Variants in CTNNBL1 observed in about 807,000 individuals in gnomAD.
The protein encoded by CTNNBL1 is beta-catenin-like protein 1.
In CTNNBL1, 31 loss-of-function variants were observed where a neutral mutation model predicts 72.7. The observed-to-expected ratio is 0.43, with a 90% confidence interval of 0.32 to 0.58. The LOEUF (loss-of-function observed/expected upper bound fraction) is 0.58. Among genes scored for constraint, CTNNBL1 ranks in the 20% least tolerant of loss-of-function variants. CTNNBL1 has a pLI of 0.08. For missense variants in CTNNBL1, 534 were observed against 725.1 expected, an observed-to-expected ratio of 0.74 and a Z score of 3.03; for synonymous variants, 240 against 267.3, an observed-to-expected ratio of 0.90 and a Z score of 1.00.
chr20:37,815,065 G>A (rs182855715), intron 11 of CTNNBL1, among the ~76,000 whole-genome samples: 57 of 134,970 alleles, frequency 4.2e-4, no homozygotes, highest in African/African-American at 1.6e-3. Context: ...CACTATGTTA[G>A]GGACTCTGTG....
intron 11 of CTNNBL1, among the ~76,000 whole-genome samples, chr20:37,827,964 TTG>T (rs2072174599): frequency 6.6e-6 from 1 of 152,172 alleles, no homozygotes; most frequent in African/African-American, 2.4e-5. Flanking sequence ...TCTAAATCTC[TTG>T]TGTTTGGTCT....
intron 13 of CTNNBL1, among the ~76,000 whole-genome samples, chr20:37,843,272 G>A (rs1011420971): frequency 3.9e-5 from 6 of 152,102 alleles, no homozygotes; most frequent in Non-Finnish European, 8.8e-5. Flanking sequence ...TTGTTTTGCT[G>A]CATCACTCCA....
intron 6 of CTNNBL1, among the ~76,000 whole-genome samples, chr20:37,766,041 GA>G (rs1389998516): frequency 1.3e-5 from 2 of 152,010 alleles, no homozygotes; most frequent in Non-Finnish European, 2.9e-5. Flanking sequence ...AAAATTTGAT[GA>G]GATTAGATTT....
intron 15 of CTNNBL1, among the ~76,000 whole-genome samples, chr20:37,862,679 T>C (rs1393848156): frequency 6.6e-6 from 1 of 151,986 alleles, no homozygotes; most frequent in Non-Finnish European, 1.5e-5. Flanking sequence ...CCCACCCCTC[T>C]GTTTTTCTCC....
At chr20:37,794,820 T>C (rs1257985802) in intron 10 of CTNNBL1, among the ~76,000 whole-genome samples, 2 of 152,138 alleles carry the variant, frequency 1.3e-5, no homozygotes, top group Non-Finnish European at 2.9e-5. Context: ...CTTTGAAATA[T>C]ATTTTCACCA....
intron 7 of CTNNBL1, among the ~76,000 whole-genome samples, chr20:37,771,142 G>A (rs982967559): frequency 2.6e-5 from 4 of 152,204 alleles, no homozygotes; most frequent in Admixed American, 6.5e-5. Context: ...GGGTTATTGC[G>A]AAATCAAATA....
chr20:37,858,623 A>C (rs2072463583), intron 13 of CTNNBL1, among the ~76,000 whole-genome samples: 1 of 152,242 alleles, frequency 6.6e-6, no homozygotes, highest in South Asian at 2.1e-4. Context: ...AAGATGTTAA[A>C]AATTGATTGC....
intron 3 of CTNNBL1, among the ~76,000 whole-genome samples, chr20:37,738,139 C>A (rs1004488845): frequency 6.6e-6 from 1 of 152,210 alleles, no homozygotes; most frequent in Non-Finnish European, 1.5e-5. Context: ...GAAGACTGAT[C>A]GTGCCTGCCG....
intron 15 of CTNNBL1, among the ~76,000 whole-genome samples, chr20:37,868,475 G>A (rs761926270): frequency 5.9e-5 from 9 of 152,190 alleles, no homozygotes; most frequent in Non-Finnish European, 8.8e-5. Context: ...AGAAAATGCA[G>A]GCACATAGCA....
intron 1 of CTNNBL1, among the ~76,000 whole-genome samples, chr20:37,704,634 C>T (rs946295951): frequency 6.6e-6 from 1 of 151,870 alleles, no homozygotes; most frequent in African/African-American, 2.4e-5. Context: ...TTGCTTGAGA[C>T]CAGGAGATTG....
At chr20:37,793,202 A>G (rs1011075586) in intron 10 of CTNNBL1, among the ~76,000 whole-genome samples, 2 of 152,212 alleles carry the variant, frequency 1.3e-5, no homozygotes, top group Non-Finnish European at 2.9e-5. Flanking sequence ...GTCTTATTCT[A>G]TCGATTATTG....
At chr20:37,777,799 A>G (rs2073589497) in intron 9 of CTNNBL1, 87 bp downstream of exon 9, 1 of 1,367,080 alleles carries the variant, frequency 7.3e-7, no homozygotes, top group African/African-American at 1.4e-5. Context: ...GGGAAGGAAT[A>G]AGCCATGTGC....
chr20:37,853,877 A>C (rs2072416975), intron 13 of CTNNBL1, among the ~76,000 whole-genome samples: 1 of 152,256 alleles, frequency 6.6e-6, no homozygotes, highest in South Asian at 2.1e-4. Context: ...AACAGGCTAG[A>C]TAAGGTGCTA....
In CTNNBL1 at chr20:37,871,919, C is replaced by T. The variant is rs771125073; in HGVS notation, c.1604-6C>T. ...TCCACTCCTGACTCTATCTTTGTCC[C>T]CCTAGAGTATGCAGAGAACATCGGG... On this transcript the variant is annotated splice_region_variant and splice_polypyrimidine_tract_variant and intron_variant, in intron 15 of 15. Transcript: ENST00000361383. 2.0e-5 allele frequency: 33 copies of T among 1,612,814 alleles called. No homozygotes were observed. The highest frequency in any genetic ancestry group is 2.6e-5 in the Non-Finnish European group (31 of 1,178,988).
intron 2 of CTNNBL1, among the ~76,000 whole-genome samples, chr20:37,733,933 G>A (rs1210001136): frequency 2.0e-5 from 3 of 152,146 alleles, no homozygotes; most frequent in African/African-American, 7.2e-5. Flanking sequence ...TTTATTGAAT[G>A]AATAAATGAA....
At chr20:37,856,409 A>G (rs1030663115) in intron 13 of CTNNBL1, among the ~76,000 whole-genome samples, 1 of 152,022 alleles carries the variant, frequency 6.6e-6, no homozygotes, top group Middle Eastern at 3.2e-3. Context: ...CTGAAAAATC[A>G]TATCTGCTCG....
chr20:37,803,750 G>A (rs1354179586), intron 11 of CTNNBL1, among the ~76,000 whole-genome samples: 1 of 152,204 alleles, frequency 6.6e-6, no homozygotes, highest in Non-Finnish European at 1.5e-5. Context: ...AGTGTGGGGA[G>A]CGGGTGGAGA....
chr20:37,780,080 C>T lies in CTNNBL1; in HGVS notation c.1031+745C>T, dbSNP rs6020862. Among the ~76,000 whole-genome samples, 607 of 149,474 alleles carry T rather than the reference C, an allele frequency of 4.1e-3. 7 individuals are homozygous for T. Among genetic ancestry groups the T allele is most frequent in the African/African-American group, 0.014 (547 of 40,422 alleles). On this transcript the variant is annotated intron_variant, in intron 10 of 15. Coordinates refer to ENST00000361383, the MANE Select transcript of CTNNBL1 (RefSeq NM_030877.5). ...GGTCAAGGGACTTAAAAAAAAAAAT[C>T]GAGCATGTTTATGTGGTTGGAAGAT... is the stretch of plus-strand genomic sequence containing the variant.
chr20:37,794,563 G>A (rs185587836), intron 10 of CTNNBL1, among the ~76,000 whole-genome samples: 1 of 152,264 alleles, frequency 6.6e-6, no homozygotes, highest in East Asian at 1.9e-4. Flanking sequence ...TGCGATCTTG[G>A]CTCACTACAA....
Sources: allele counts gnomAD v4.1 joint callset (sites outside exome capture counted in the v4.1 genomes callset), GRCh38; gene constraint gnomAD v4.1.1; transcripts MANE v1.5; gene names NCBI Gene and HGNC (gene_info 2026-07-23, HGNC 2026-07-21).